KIF14: variants seen among roughly 807,000 people sequenced by gnomAD.
KIF14 encodes kinesin-like protein KIF14.
Under a neutral mutation model 176.2 loss-of-function variants are expected in KIF14, and 98 were observed. The ratio of observed to expected loss-of-function variants is 0.56; its 90% confidence interval spans 0.47 to 0.66. KIF14 has a LOEUF of 0.66. KIF14 is among the 30% of genes least tolerant of loss of function. The pLI, the probability that KIF14 is intolerant of heterozygous loss-of-function variation, is 0.00. For synonymous variants in KIF14, 566 were observed against 632.2 expected (o/e 0.90, Z 1.57); for missense variants, 1,751 against 1,920.4 (o/e 0.91, Z 1.65).
intron 4 of KIF14, 119 bp from the exon 5 acceptor site, chr1:200,609,047 A>G (rs1473994806): frequency 5.9e-6 from 3 of 511,498 alleles, no homozygotes; most frequent in African/African-American, 2.0e-5. Context: ...ACTCAACAAC[A>G]TAAAGACAAA....
intron 23 of KIF14, among the ~76,000 whole-genome samples, chr1:200,569,630 T>C (rs1000357430): frequency 5.3e-5 from 8 of 152,186 alleles, no homozygotes; most frequent in African/African-American, 1.9e-4. Flanking sequence ...CCACTGCACT[T>C]TGCTTCCTTT....
chr1:200,590,350 A>G (rs140222744), intron 16 of KIF14, 78 bp from the exon 17 acceptor site: 10 of 1,237,692 alleles, frequency 8.1e-6, no homozygotes, highest in Middle Eastern at 4.1e-4. Flanking sequence ...TCCTACTGAA[A>G]AGTTTTCCAT....
At chr1:200,590,015 A>G in intron 17 of KIF14, 110 bp downstream of exon 17, 1 of 1,114,278 alleles carries the variant, frequency 9.0e-7, no homozygotes, top group Non-Finnish European at 1.3e-6. Context: ...TGATTCACTA[A>G]TCTCTGATCT....
chr1:200,564,219 C>T (rs1393734380), intron 25 of KIF14, among the ~76,000 whole-genome samples: 1 of 147,014 alleles, frequency 6.8e-6, no homozygotes, highest in African/African-American at 2.5e-5. Context: ...AAGATCACGC[C>T]ACTGCACTCC....
At chr1:200,568,925 T>G (rs1657621559) in intron 23 of KIF14, among the ~76,000 whole-genome samples, 1 of 147,332 alleles carries the variant, frequency 6.8e-6, no homozygotes, top group African/African-American at 2.5e-5. Flanking sequence ...GTAGTAATTT[T>G]TTTTTTTTTT....
At chr1:200,581,545 C>G (rs1334073330) in intron 19 of KIF14, among the ~76,000 whole-genome samples, 1 of 151,940 alleles carries the variant, frequency 6.6e-6, no homozygotes, top group Non-Finnish European at 1.5e-5. Context: ...AAAGACAATG[C>G]TTTACTTTCT....
chr1:200,568,255 C>G (rs1444491949), intron 23 of KIF14, among the ~76,000 whole-genome samples: 1 of 152,024 alleles, frequency 6.6e-6, no homozygotes, highest in Non-Finnish European at 1.5e-5. Context: ...CTCTGACTTC[C>G]CTTAAAATTA....
At chr1:200,560,924 T>C in intron 25 of KIF14, 44 bp from the exon 26 acceptor site, 1 of 1,557,102 alleles carries the variant, frequency 6.4e-7, no homozygotes, top group Non-Finnish European at 8.8e-7. Flanking sequence ...CATGAGATTA[T>C]AACAGGTGGT....
intron 20 of KIF14, among the ~76,000 whole-genome samples, chr1:200,580,624 T>C (rs563337648): frequency 5.9e-5 from 9 of 152,112 alleles, no homozygotes; most frequent in Admixed American, 2.6e-4. Flanking sequence ...GAAATACTGA[T>C]ACATTTTCAA....
intron 4 of KIF14, among the ~76,000 whole-genome samples, chr1:200,610,134 T>A (rs1660077489): frequency 6.6e-6 from 1 of 152,190 alleles, no homozygotes; most frequent in Admixed American, 6.5e-5. Context: ...TTGTACATTA[T>A]AAATGTACTG....
At chr1:200,573,906 T>A (rs1260311678) in intron 22 of KIF14, among the ~76,000 whole-genome samples, 1 of 152,204 alleles carries the variant, frequency 6.6e-6, no homozygotes, top group African/African-American at 2.4e-5. Context: ...AACAGAAGGA[T>A]GCTACCCTTT....
At chr1:200,586,774 TATATATATATACATAC>T (rs1311636598) in intron 18 of KIF14, among the ~76,000 whole-genome samples, 21 of 86,046 alleles carry the variant, frequency 2.4e-4, no homozygotes, top group Non-Finnish European at 3.3e-4. Context: ...AAATATGGTG[TATATATATATACATAC>T]ATATATATAT....
intron 3 of KIF14, 126 bp from the exon 4 acceptor site, chr1:200,614,531 C>G: frequency 1.7e-6 from 1 of 598,166 alleles, no homozygotes; most frequent in Non-Finnish European, 2.9e-6. Flanking sequence ...AGAATCTGGA[C>G]TCTGGAGTCA....
At chr1:200,606,707 T>G in intron 6 of KIF14, 39 bp downstream of exon 6, 1 of 1,541,936 alleles carries the variant, frequency 6.5e-7, no homozygotes, top group African/African-American at 1.4e-5. Context: ...TCTATTCATT[T>G]GTTTTATCCT....
intron 5 of KIF14, among the ~76,000 whole-genome samples, chr1:200,608,229 G>A (rs1439816389): frequency 6.6e-6 from 1 of 151,924 alleles, no homozygotes; most frequent in South Asian, 2.1e-4. Flanking sequence ...TTAGGGATCT[G>A]GTGTTCAACT....
At chr1:200,606,308 TG>T (rs1160321489) in intron 6 of KIF14, among the ~76,000 whole-genome samples, 4 of 152,262 alleles carry the variant, frequency 2.6e-5, no homozygotes, top group African/African-American at 9.6e-5. Flanking sequence ...AGAAAGCATT[TG>T]CAGTGTTGGA....
chr1:200,573,464 C>T (rs748701464), intron 22 of KIF14, among the ~76,000 whole-genome samples: 2 of 103,536 alleles, frequency 1.9e-5, no homozygotes, highest in Non-Finnish European at 4.0e-5. Flanking sequence ...GACGGAGTCC[C>T]GCTGTTTAGC....
At chr1:200,577,959 T>G (rs992708044) in intron 21 of KIF14, among the ~76,000 whole-genome samples, 14 of 151,704 alleles carry the variant, frequency 9.2e-5, no homozygotes, top group South Asian at 2.1e-4. Flanking sequence ...CTTTGTTGTT[T>G]TTTTTTTTTC....
chr1:200,578,029 A>G (rs1180843681), intron 21 of KIF14, among the ~76,000 whole-genome samples: 1 of 151,984 alleles, frequency 6.6e-6, no homozygotes, highest in African/African-American at 2.4e-5. Context: ...TATGAAGTCA[A>G]CTTTCATAAT....
Sources: gnomAD v4.1 joint callset for allele counts (sites outside exome capture counted in the v4.1 genomes callset) on GRCh38, gnomAD v4.1.1 for gene constraint, MANE v1.5 for transcripts, NCBI Gene and HGNC (gene_info 2026-07-23, HGNC 2026-07-21) for gene names.